Variants in CSMD1 observed in about 807,000 individuals in gnomAD.
The protein encoded by CSMD1 is CUB and Sushi multiple domains 1.
CSMD1 carries 213 observed loss-of-function variants against 417.5 expected under a neutral mutation model. The ratio of observed to expected loss-of-function variants is 0.51; its 90% CI spans 0.46 to 0.57. CSMD1 has a LOEUF of 0.57. CSMD1 is among the 20% of genes least tolerant of loss of function. The pLI is 0.00. For synonymous variants in CSMD1, 2,862 were observed against 1,736.8 expected (o/e 1.65, Z -16.11); for missense variants, 6,923 against 4,529.7 (o/e 1.53, Z -15.17).
At chr8:4,161,003 CCTT>C (rs778639969) in intron 3 of CSMD1, among the ~76,000 whole-genome samples, 2 of 151,998 alleles carry the variant, frequency 1.3e-5, no homozygotes, top group African/African-American at 2.4e-5. Flanking sequence ...ATCACTTTGT[CCTT>C]CTTCTTCTGG....
At chr8:3,099,707 G>A (rs1052295338) in intron 46 of CSMD1, among the ~76,000 whole-genome samples, 1 of 152,164 alleles carries the variant, frequency 6.6e-6, no homozygotes, top group Non-Finnish European at 1.5e-5. Context: ...TTTGACAGCA[G>A]TGCAATGATC....
At chr8:3,191,542 T>C (rs1796424276) in intron 33 of CSMD1, among the ~76,000 whole-genome samples, 1 of 152,160 alleles carries the variant, frequency 6.6e-6, no homozygotes, top group Non-Finnish European at 1.5e-5. Flanking sequence ...GAGGCCTTCA[T>C]TGTTGCAGCA....
intron 7 of CSMD1, among the ~76,000 whole-genome samples, chr8:3,694,737 C>G (rs1800453093): frequency 6.6e-6 from 1 of 151,832 alleles, no homozygotes; most frequent in Non-Finnish European, 1.5e-5. Context: ...AGGTGCCATT[C>G]TGCTTCGAAA....
intron 3 of CSMD1, among the ~76,000 whole-genome samples, chr8:4,066,720 G>A (rs1435067909): frequency 6.6e-6 from 1 of 151,998 alleles, no homozygotes; most frequent in Admixed American, 6.6e-5. Flanking sequence ...ATTTTGTTTG[G>A]GACGAGAGTG....
chr8:3,841,387 C>T lies in CSMD1; in HGVS notation c.819-87345G>A, dbSNP rs147349916. Among the ~76,000 whole-genome samples the T allele has an allele frequency of 6.6e-3, 1,009 of 152,226 alleles. 5 individuals carry two copies. The highest frequency in any genetic ancestry group is 0.027 in the Middle Eastern group (8 of 294). On this transcript the variant is annotated intron_variant, in intron 5 of 69. Coordinates refer to ENST00000635120, the MANE Select transcript of CSMD1 (RefSeq NM_033225.6). ...TCGTTATGTGGTTCTCAACCTCAAG[C>T]AATGTGTTTGATTGCTTTTATGGAG...
intron 3 of CSMD1, among the ~76,000 whole-genome samples, chr8:4,099,419 G>A (rs1443384085): frequency 6.6e-6 from 1 of 152,008 alleles, no homozygotes; most frequent in Admixed American, 6.6e-5. Flanking sequence ...CTAAAGCCTT[G>A]CAATGCCACC....
intron 1 of CSMD1, among the ~76,000 whole-genome samples, chr8:4,761,889 ACCTACCTATCTATCTATCTATCAATCT>A (rs1812115740): frequency 1.6e-4 from 12 of 72,772 alleles, no homozygotes; most frequent in South Asian, 9.9e-4. Flanking sequence ...CTATCTATCT[ACCTACCTATCTATCTATCTATCAATCT>A]ATCTATCTAT....
intron 1 of CSMD1, among the ~76,000 whole-genome samples, chr8:4,879,731 G>C (rs946795738): frequency 2.0e-5 from 3 of 152,046 alleles, no homozygotes; most frequent in Non-Finnish European, 2.9e-5. Flanking sequence ...GAAAGGGATT[G>C]GGACTTTCAT....
intron 5 of CSMD1, among the ~76,000 whole-genome samples, chr8:3,768,930 G>C (rs140403498): frequency 4.6e-5 from 7 of 152,204 alleles, no homozygotes; most frequent in Admixed American, 3.3e-4. Context: ...TGCTTTTCAA[G>C]AATCTGCTGT....
intron 2 of CSMD1, among the ~76,000 whole-genome samples, chr8:4,559,801 C>T (rs77249171): frequency 0.025 from 3,843 of 152,332 alleles, 161 homozygotes; most frequent in African/African-American, 0.088. Context: ...CTGAGACACA[C>T]GTCATCTCAT....
chr8:3,394,012 TTATATATATA>T (rs1175905929), intron 17 of CSMD1, among the ~76,000 whole-genome samples: 6 of 31,632 alleles, frequency 1.9e-4, no homozygotes, highest in East Asian at 7.9e-4. Context: ...AAAAAATAAA[TTATATATATA>T]TATATATATA....
At chr8:3,168,630 A>ATC (rs1354583581) in intron 37 of CSMD1, among the ~76,000 whole-genome samples, 1 of 101,500 alleles carries the variant, frequency 9.9e-6, no homozygotes, top group Non-Finnish European at 1.9e-5. Flanking sequence ...GTAAGTCTTC[A>ATC]TCACACACAC....
chr8:3,283,688 G>T (rs923824582), intron 26 of CSMD1, among the ~76,000 whole-genome samples: 2 of 152,078 alleles, frequency 1.3e-5, no homozygotes, highest in African/African-American at 4.8e-5. Flanking sequence ...CATTCCAGAA[G>T]GACACTCCCA....
chr8:4,751,737 G>A (rs939292151), intron 1 of CSMD1, among the ~76,000 whole-genome samples: 2 of 152,118 alleles, frequency 1.3e-5, no homozygotes, highest in Non-Finnish European at 2.9e-5. Context: ...AGTCTGCTGT[G>A]GAGTTAGGAG....
At chr8:4,986,144 TC>T (rs1811169003) in intron 1 of CSMD1, among the ~76,000 whole-genome samples, 1 of 152,178 alleles carries the variant, frequency 6.6e-6, no homozygotes, top group South Asian at 2.1e-4. Context: ...ATAAGGCCCA[TC>T]CTTTGAGATA....
At chr8:2,980,933 C>T (rs926415417) in intron 54 of CSMD1, among the ~76,000 whole-genome samples, 1 of 152,138 alleles carries the variant, frequency 6.6e-6, no homozygotes, top group Non-Finnish European at 1.5e-5. Flanking sequence ...TTCCTTGAGC[C>T]CCATGTGGGG....
At position 4,015,580 on chromosome 8, in the gene CSMD1, G is replaced by C. The variant is rs561077404; in HGVS notation, c.610+16325C>G. 1.6e-4 allele frequency among the ~76,000 whole-genome samples: 24 copies of C among 149,410 alleles called. No homozygotes were observed. In the South Asian group the frequency reaches 1.9e-3, roughly 12 times the overall value. On this transcript the variant is annotated intron_variant, in intron 4 of 69. Transcript: ENST00000635120. Reference sequence around the variant, plus strand: ...ATCAGTGCTACTGCTATGTTATTTAGTGGCATCTTGGCCCAATGACTATCA... The same window carrying C: ...ATCAGTGCTACTGCTATGTTATTTACTGGCATCTTGGCCCAATGACTATCA...
intron 3 of CSMD1, among the ~76,000 whole-genome samples, chr8:4,035,993 A>C (rs1270101902): frequency 6.6e-6 from 1 of 151,988 alleles, no homozygotes; most frequent in African/African-American, 2.4e-5. Flanking sequence ...TTTATTTTTA[A>C]TGCTGTTTTA....
At chr8:3,742,458 A>G (rs1796858016) in intron 6 of CSMD1, among the ~76,000 whole-genome samples, 1 of 152,214 alleles carries the variant, frequency 6.6e-6, no homozygotes, top group Non-Finnish European at 1.5e-5. Flanking sequence ...AATGCTTACA[A>G]TAGGCCTGCG....
Sources: gnomAD v4.1 joint callset for allele counts (sites outside exome capture counted in the v4.1 genomes callset) on GRCh38, gnomAD v4.1.1 for gene constraint, MANE v1.5 for transcripts, NCBI Gene and HGNC (gene_info 2026-07-23, HGNC 2026-07-21) for gene names.